Variants in TMEM71 observed in about 807,000 individuals in gnomAD.
TMEM71 encodes transmembrane protein 71.
TMEM71 carries 44 observed loss-of-function variants against 38.0 expected under a neutral mutation model. The ratio of observed to expected loss-of-function variants is 1.16; its 90% CI spans 0.91 to 1.49. TMEM71 has a LOEUF of 1.49. TMEM71 is among the 40% of genes most tolerant of loss of function. The probability of loss-of-function intolerance (pLI) is 0.00; values close to 1 mark genes in which losing one functional copy is unlikely to be tolerated. For synonymous variants in TMEM71, 133 were observed against 122.5 expected, an observed-to-expected ratio of 1.09 and a Z score of -0.56; for missense variants, 367 against 348.6, an observed-to-expected ratio of 1.05 and a Z score of -0.42.
intron 5 of TMEM71, among the ~76,000 whole-genome samples, chr8:132,730,572 G>A (rs1394473707): frequency 2.6e-5 from 4 of 152,166 alleles, no homozygotes; most frequent in African/African-American, 7.2e-5. Context: ...TTGAGCAGGA[G>A]GCATGATGTT....
chr8:132,723,660 T>C (rs772258576), intron 6 of TMEM71, among the ~76,000 whole-genome samples: 9 of 152,192 alleles, frequency 5.9e-5, no homozygotes, highest in Non-Finnish European at 1.2e-4. Context: ...TGCAAGCTCA[T>C]TGAGAAAATA....
intron 4 of TMEM71, among the ~76,000 whole-genome samples, chr8:132,750,539 G>A (rs1267450363): frequency 6.6e-6 from 1 of 152,124 alleles, no homozygotes; most frequent in African/African-American, 2.4e-5. Flanking sequence ...TCCAACTGAA[G>A]CCAACCTCAA....
chr8:132,733,443 G>T (rs567997725), intron 5 of TMEM71, among the ~76,000 whole-genome samples: 3 of 152,182 alleles, frequency 2.0e-5, no homozygotes, highest in Admixed American at 6.5e-5. Context: ...CTAAGACTGC[G>T]ACTTCAAGAG....
chr8:132,771,745 G>A, the TMEM71 span, among the ~76,000 whole-genome samples: 6 of 151,946 alleles, frequency 3.9e-5, no homozygotes, highest in South Asian at 2.1e-4. Flanking sequence ...ATAAACCTAC[G>A]AATCACAGTG....
At chr8:132,775,673 AGGCCGCCTGGCCCCCGCCG>A in the TMEM71 span, 1 of 331,172 alleles carries the variant, frequency 3.0e-6, no homozygotes, top group Non-Finnish European at 5.5e-6. Flanking sequence ...CTGAGCCGGC[AGGCCGCCTGGCCCCCGCCG>A]GGCCGCCCGG....
chr8:132,714,235 CT>C lies in TMEM71; in HGVS notation c.753-21del, dbSNP rs770170104. On this transcript the variant is annotated intron_variant, in intron 7 of 9. Coordinates refer to ENST00000677595, the MANE Select transcript of TMEM71 (RefSeq NM_001382403.1). ...AACCATCTGAAACAACAAGATTGCT[CT>C]GATTTAGCATACTAATTGTGCATTT... 10 of 1,589,990 alleles carry C rather than the reference CT, an allele frequency of 6.3e-6. No homozygotes were observed. The East Asian group carries it at 2.2e-4, about 36-fold the overall frequency.
chr8:132,767,366 T>C, the TMEM71 span, among the ~76,000 whole-genome samples: 2 of 152,194 alleles, frequency 1.3e-5, no homozygotes, highest in Admixed American at 1.3e-4. Flanking sequence ...CCTCTTTGAC[T>C]GTACATTCTA....
rs762378372 is a variant in TMEM71 at position 132,757,256 on chromosome 8, A to C, written c.79T>G (p.Ser27Ala). ...TACCTTGGGAAAATGCACGTGGGAG[A>C]CAGCTCTCCAGCATATTCTCTTTCC... ...RLEREYAGEL[S>A]PTCIFPSFTC... The change falls in exon 3 of 10, where the codon TCT becomes GCT. Residue 27 changes from serine to alanine, a missense_variant. Coordinates refer to ENST00000677595, the MANE Select transcript of TMEM71 (RefSeq NM_001382403.1). 1.9e-6 allele frequency: 3 copies of C among 1,611,348 alleles called. No individual in the cohort carries two copies. In the East Asian group the frequency reaches 6.7e-5, roughly 36 times the overall value.
rs1007004799 is a variant in TMEM71, at chr8:132,713,916, A to T, written c.872+79T>A. ...ATGTTTCCTGTCATTGCCATCTACT[A>T]TGCAGCAGAAACCATTCTCAGATAT... On this transcript the variant is annotated intron_variant, in intron 9 of 9. Transcript: ENST00000677595. 13 of 1,363,902 alleles carry T rather than the reference A, an allele frequency of 9.5e-6. No homozygotes were observed. In the South Asian group the frequency reaches 1.6e-4, roughly 16 times the overall value. 84.5% of individuals were successfully genotyped at this position (1,363,902 alleles called of 1,614,324 possible).
chr8:132,707,454 C>G (rs116365084), downstream of TMEM71, among the ~76,000 whole-genome samples: 1,073 of 152,106 alleles, frequency 7.1e-3, 14 homozygotes, highest in African/African-American at 0.025. Context: ...AGACATGGGA[C>G]CTTAAAGAGG....
intron 4 of TMEM71, among the ~76,000 whole-genome samples, chr8:132,747,662 A>G (rs1252229188): frequency 6.6e-6 from 1 of 152,202 alleles, no homozygotes; most frequent in Non-Finnish European, 1.5e-5. Flanking sequence ...GGCTGCTGTG[A>G]GGGCACCAGG....
chr8:132,746,420 T>C (rs1377227518), intron 5 of TMEM71, among the ~76,000 whole-genome samples: 1 of 17,862 alleles, frequency 5.6e-5, no homozygotes, highest in African/African-American at 1.1e-4. Context: ...TACACACACA[T>C]ATATATACAT....
chr8:132,752,001 A>G lies in TMEM71; in HGVS notation c.102-4T>C. On this transcript the variant is annotated splice_polypyrimidine_tract_variant and splice_region_variant and intron_variant, in intron 3 of 9. Transcript: ENST00000677595. ...ATCCAGGGAATCACAGGTGAAACTA[A>G]GAAGGAAAAGATAACGCACTTTAAA... 2 of 1,613,078 alleles carry G rather than the reference A, an allele frequency of 1.2e-6. No homozygotes were observed. The highest frequency in any genetic ancestry group is 1.7e-6 in the Non-Finnish European group (2 of 1,179,172).
At chr8:132,733,962 T>G (rs1397987984) in intron 5 of TMEM71, among the ~76,000 whole-genome samples, 1 of 152,018 alleles carries the variant, frequency 6.6e-6, no homozygotes, top group Non-Finnish European at 1.5e-5. Context: ...GTCAAACTCA[T>G]AGGAGCAGAG....
rs1214271345 is a variant in TMEM71, at chr8:132,714,126, T to C, written c.814+28A>G. The C allele has an allele frequency of 2.5e-6, 4 of 1,609,894 alleles. No individual in the cohort carries two copies. The Admixed American group carries it at 6.7e-5, about 27-fold the overall frequency. ...AATTGGAATGAAATACAGGCATCAT[T>C]GCAGTAATCTGGGAAACAGTTACTT... On this transcript the variant is annotated intron_variant, in intron 8 of 9. Transcript: ENST00000677595.
chr8:132,713,086 T>C (rs556433898), intron 9 of TMEM71, among the ~76,000 whole-genome samples: 1 of 151,766 alleles, frequency 6.6e-6, no homozygotes, highest in South Asian at 2.1e-4. Flanking sequence ...CTCAAGGAAG[T>C]CTCCTGCCTC....
rs1355083835 is a variant in TMEM71 at position 132,728,083 on chromosome 8, T to C, written c.488-97A>G. ...TGCTCAATGCACAGTTAGTTCCTAA[T>C]AATCACAAAAATAGTAATATTGATA... On this transcript the variant is annotated intron_variant, in intron 5 of 9. Coordinates refer to ENST00000677595, the MANE Select transcript of TMEM71 (RefSeq NM_001382403.1). 4.4e-6 allele frequency: 4 copies of C among 917,130 alleles called. No individual in the cohort carries two copies. The African/African-American group carries it at 5.0e-5, about 11-fold the overall frequency. 56.8% of individuals were successfully genotyped at this position (917,130 alleles called of 1,614,324 possible).
Position 132,727,913 on chromosome 8 carries a change from G to A in TMEM71, c.561C>T (p.Thr187=), listed in dbSNP as rs774740215. 252 of 1,613,938 alleles carry A rather than the reference G, an allele frequency of 1.6e-4. No individual in the cohort carries two copies. Among genetic ancestry groups the A allele is most frequent in the Non-Finnish European group, 2.1e-4 (244 of 1,179,994 alleles). Residue 187 remains threonine (T), a synonymous_variant, in exon 6 of 10, where the codon ACC becomes ACT. Transcript: ENST00000677595. ...GAGATATGATGTGGCTGGAAGAGGA[G>A]GTGATCACAGACTCTGCATTCATCT... ...SGKMNAESVI[T]SSSSHIISQP... is the part of the protein sequence containing the mutation.
intron 5 of TMEM71, among the ~76,000 whole-genome samples, chr8:132,740,230 A>G (rs953767661): frequency 6.6e-6 from 1 of 152,056 alleles, no homozygotes; most frequent in African/African-American, 2.4e-5. Context: ...AGGCTCTGAG[A>G]CTAGAACTTG....
Sources: allele counts gnomAD v4.1 joint callset (sites outside exome capture counted in the v4.1 genomes callset), GRCh38; gene constraint gnomAD v4.1.1; transcripts MANE v1.5; gene names NCBI Gene and HGNC (gene_info 2026-07-23, HGNC 2026-07-21).